Variants in C8orf34 observed in about 807,000 individuals in gnomAD.
The protein encoded by C8orf34 is uncharacterized protein C8orf34.
C8orf34 carries 65 observed loss-of-function variants against 68.3 expected under a neutral mutation model. The ratio of observed to expected loss-of-function variants is 0.95; its 90% CI spans 0.78 to 1.17. C8orf34 has a LOEUF of 1.17. C8orf34 is among the 50% of genes most tolerant of loss of function. The pLI is 0.00. For missense variants in C8orf34, 664 were observed against 655.4 expected (o/e 1.01, Z -0.14); for synonymous variants, 244 against 241.2 (o/e 1.01, Z -0.11).
intron 1 of C8orf34, among the ~76,000 whole-genome samples, chr8:68,391,082 G>A (rs1808461706): frequency 6.6e-6 from 1 of 152,074 alleles, no homozygotes; most frequent in South Asian, 2.1e-4. Flanking sequence ...AAATAACTGG[G>A]TACTATGGTT....
chr8:68,355,973 G>A (rs747859224), intron 1 of C8orf34, among the ~76,000 whole-genome samples: 15 of 152,056 alleles, frequency 9.9e-5, no homozygotes, highest in Non-Finnish European at 2.1e-4. Context: ...CATCTTGTTG[G>A]ATGTATTCCT....
chr8:68,561,802 A>C (rs2130176257), intron 7 of C8orf34, among the ~76,000 whole-genome samples: 1 of 152,220 alleles, frequency 6.6e-6, no homozygotes, highest in East Asian at 1.9e-4. Context: ...CAAACAAAAA[A>C]ACAAGGGCAC....
At chr8:68,426,518 C>CAAAAAAAAAAAAAAAAA (rs753578060) in intron 1 of C8orf34, among the ~76,000 whole-genome samples, 4 of 29,620 alleles carry the variant, frequency 1.4e-4, no homozygotes, top group Admixed American at 4.4e-4. Flanking sequence ...GACCTTGTCT[C>CAAAAAAAAAAAAAAAAA]AAAAAAAAAA....
intron 10 of C8orf34, among the ~76,000 whole-genome samples, chr8:68,745,117 T>G (rs1185763349): frequency 6.6e-6 from 1 of 152,138 alleles, no homozygotes; most frequent in Non-Finnish European, 1.5e-5. Context: ...ACCCAGAATT[T>G]CATATCCAGC....
At chr8:68,776,899 C>A (rs1230729282) in intron 11 of C8orf34, among the ~76,000 whole-genome samples, 4 of 152,202 alleles carry the variant, frequency 2.6e-5, no homozygotes, top group African/African-American at 9.6e-5. Flanking sequence ...GCTATCCCAA[C>A]AATTAAATAT....
intron 1 of C8orf34, among the ~76,000 whole-genome samples, chr8:68,395,038 G>A (rs2129620946): frequency 6.6e-6 from 1 of 152,070 alleles, no homozygotes; most frequent in South Asian, 2.1e-4. Context: ...AAGGAATTTA[G>A]CAAGAAATTT....
chr8:68,492,420 G>T (rs1292969806), intron 5 of C8orf34, among the ~76,000 whole-genome samples: 1 of 151,604 alleles, frequency 6.6e-6, no homozygotes, highest in Non-Finnish European at 1.5e-5. Flanking sequence ...TTAGAGACAG[G>T]GTCTTACTAT....
chr8:68,379,800 C>A (rs910690147), intron 1 of C8orf34, among the ~76,000 whole-genome samples: 1 of 152,176 alleles, frequency 6.6e-6, no homozygotes, highest in African/African-American at 2.4e-5. Flanking sequence ...TGCCAGGACA[C>A]CCTCTGGTCA....
At chr8:68,455,968 G>C (rs189004246) in intron 3 of C8orf34, among the ~76,000 whole-genome samples, 1 of 151,768 alleles carries the variant, frequency 6.6e-6, no homozygotes, top group Non-Finnish European at 1.5e-5. Context: ...CTGTCTAGCC[G>C]GGCGTGGTGG....
intron 12 of C8orf34, among the ~76,000 whole-genome samples, chr8:68,787,872 G>T (rs1823888769): frequency 6.6e-6 from 1 of 152,136 alleles, no homozygotes; most frequent in African/African-American, 2.4e-5. Context: ...AAATTTCAAA[G>T]TATGTCAGGA....
At chr8:68,519,476 G>A (rs2380472) in intron 5 of C8orf34, among the ~76,000 whole-genome samples, 40,411 of 152,082 alleles carry the variant, frequency 0.27, 8,008 homozygotes, top group African/African-American at 0.56. Context: ...AGAGCCAGTT[G>A]AATTGTTTTT....
intron 5 of C8orf34, among the ~76,000 whole-genome samples, chr8:68,504,152 A>G (rs543486309): frequency 6.6e-6 from 1 of 152,144 alleles, no homozygotes; most frequent in African/African-American, 2.4e-5. Flanking sequence ...AAATTTTTCT[A>G]TTCTGGAAAT....
chr8:68,441,639 C>T (rs1320124201), intron 2 of C8orf34, among the ~76,000 whole-genome samples: 1 of 152,170 alleles, frequency 6.6e-6, no homozygotes, highest in Non-Finnish European at 1.5e-5. Flanking sequence ...GCTGGGATTA[C>T]AGTTGTGAAT....
intron 1 of C8orf34, among the ~76,000 whole-genome samples, chr8:68,423,912 G>A (rs1810093730): frequency 1.3e-5 from 2 of 152,152 alleles, no homozygotes; most frequent in South Asian, 2.1e-4. Flanking sequence ...ATCAGATCAT[G>A]TGAAACTCAT....
chr8:68,466,760 T>TATATATATATATAA (rs1466573601), intron 3 of C8orf34, among the ~76,000 whole-genome samples: 2 of 145,402 alleles, frequency 1.4e-5, no homozygotes, highest in African/African-American at 5.2e-5. Context: ...TATATATATA[T>TATATATATATATAA]ATATAGATGC....
At chr8:68,590,941 C>A (rs909412108) in intron 7 of C8orf34, among the ~76,000 whole-genome samples, 2 of 152,106 alleles carry the variant, frequency 1.3e-5, no homozygotes, top group African/African-American at 4.8e-5. Context: ...TCCTTGGAGG[C>A]CATGGGCACC....
intron 1 of C8orf34, among the ~76,000 whole-genome samples, chr8:68,411,985 C>A (rs947156393): frequency 3.3e-5 from 5 of 152,136 alleles, no homozygotes; most frequent in African/African-American, 1.2e-4. Context: ...ATTAGTGAGT[C>A]CCCTTAAAAA....
intron 1 of C8orf34, among the ~76,000 whole-genome samples, chr8:68,421,137 C>T (rs1176144764): frequency 6.6e-6 from 1 of 152,028 alleles, no homozygotes; most frequent in Non-Finnish European, 1.5e-5. Context: ...AAAAACAAGA[C>T]AAAACTGTGT....
At chr8:68,361,682 T>C (rs182904993) in intron 1 of C8orf34, among the ~76,000 whole-genome samples, 37 of 152,370 alleles carry the variant, frequency 2.4e-4, no homozygotes, top group East Asian at 2.1e-3. Context: ...TTCTGGGTTA[T>C]GGATTGTCTT....
Sources: allele counts gnomAD v4.1 joint callset (sites outside exome capture counted in the v4.1 genomes callset), GRCh38; gene constraint gnomAD v4.1.1; transcripts MANE v1.5; gene names NCBI Gene and HGNC (gene_info 2026-07-23, HGNC 2026-07-21).